KIAA1549L: variants seen among roughly 807,000 people sequenced by gnomAD.
The protein encoded by KIAA1549L is UPF0606 protein KIAA1549L.
In KIAA1549L, 88 loss-of-function variants were observed where a neutral mutation model predicts 160.7. The observed-to-expected ratio is 0.55, with a 90% CI of 0.46 to 0.65. The LOEUF is 0.65. Among genes scored for constraint, KIAA1549L ranks in the 30% least tolerant of loss-of-function variants. The pLI, the probability that KIAA1549L is intolerant of heterozygous loss-of-function variation, is 0.00. For synonymous variants in KIAA1549L, 950 were observed against 976.7 expected (o/e 0.97, Z 0.51); for missense variants, 2,258 against 2,437.5 (o/e 0.93, Z 1.55).
intron 15 of KIAA1549L, among the ~76,000 whole-genome samples, chr11:33,612,110 G>T (rs949328614): frequency 6.6e-6 from 1 of 152,236 alleles, no homozygotes; most frequent in Admixed American, 6.5e-5. Context: ...ATAATGGAGA[G>T]CCATAAACTG....
At chr11:33,643,138 G>A (rs1851631541) in intron 16 of KIAA1549L, among the ~76,000 whole-genome samples, 1 of 152,174 alleles carries the variant, frequency 6.6e-6, no homozygotes, top group African/African-American at 2.4e-5. Flanking sequence ...AACTCCCCAT[G>A]CAGAATGGAA....
chr11:33,656,652 G>T (rs11602007), intron 18 of KIAA1549L, among the ~76,000 whole-genome samples: 57,894 of 152,042 alleles, frequency 0.38, 11,318 homozygotes, highest in East Asian at 0.5. Context: ...AAGAACAAAA[G>T]CCCTGAGCAC....
At position 33,545,433 on chromosome 11, in the gene KIAA1549L, C is replaced by A. The variant is rs1335614131; in HGVS notation, c.3385+55C>A. 1.3e-5 allele frequency: 20 copies of A among 1,524,816 alleles called. No individual in the cohort carries two copies. In the East Asian group the frequency reaches 4.2e-4, roughly 32 times the overall value. 94.5% of individuals were successfully genotyped at this position (1,524,816 alleles called of 1,614,324 possible). On this transcript the variant is annotated intron_variant, in intron 3 of 20. Coordinates refer to ENST00000658780, the MANE Select transcript of KIAA1549L (RefSeq NM_012194.3). ...AGCAAGCCTGGCCTCAGAGATGTAA[C>A]CATAATGTTTATTTTAGATCAGTGG...
intron 1 of KIAA1549L, among the ~76,000 whole-genome samples, chr11:33,450,257 A>G (rs1851692879): frequency 6.6e-6 from 1 of 152,020 alleles, no homozygotes; most frequent in Non-Finnish European, 1.5e-5. Flanking sequence ...GCAATCAAAG[A>G]CGTATCCGTA....
At chr11:33,641,562 T>G (rs1851579439) in intron 16 of KIAA1549L, among the ~76,000 whole-genome samples, 1 of 120,152 alleles carries the variant, frequency 8.3e-6, no homozygotes, top group Admixed American at 8.8e-5. Flanking sequence ...TATAGTATGG[T>G]AATGGATCTG....
At chr11:33,423,836 T>G (rs756763722) in intron 1 of KIAA1549L, among the ~76,000 whole-genome samples, 10 of 152,180 alleles carry the variant, frequency 6.6e-5, no homozygotes, top group African/African-American at 9.7e-5. Flanking sequence ...GAGACCAGCC[T>G]GGGCAACATA....
At chr11:33,580,299 C>G (rs35656246) in intron 10 of KIAA1549L, among the ~76,000 whole-genome samples, 1 of 152,148 alleles carries the variant, frequency 6.6e-6, no homozygotes, top group Non-Finnish European at 1.5e-5. Flanking sequence ...CTTGGCTGGG[C>G]GCAGTGGCTC....
At chr11:33,622,093 C>G (rs1850973652) in intron 16 of KIAA1549L, among the ~76,000 whole-genome samples, 1 of 152,128 alleles carries the variant, frequency 6.6e-6, no homozygotes. Flanking sequence ...ATGGTTGATT[C>G]ATTGGTGCAT....
chr11:33,414,618 G>A (rs1245424162), intron 1 of KIAA1549L, among the ~76,000 whole-genome samples: 2 of 152,158 alleles, frequency 1.3e-5, no homozygotes, highest in Non-Finnish European at 2.9e-5. Context: ...ATGTAGCAGG[G>A]AACATATTCC....
intron 1 of KIAA1549L, among the ~76,000 whole-genome samples, chr11:33,434,730 G>A (rs1851321227): frequency 6.6e-6 from 1 of 152,172 alleles, no homozygotes; most frequent in African/African-American, 2.4e-5. Flanking sequence ...ACTTGGCATT[G>A]TGCCTCTTTC....
At chr11:33,642,505 C>G (rs1457787018) in intron 16 of KIAA1549L, among the ~76,000 whole-genome samples, 1 of 151,636 alleles carries the variant, frequency 6.6e-6, no homozygotes, top group Non-Finnish European at 1.5e-5. Context: ...GCCTCTGCTG[C>G]TGTATCGTTC....
At chr11:33,598,578 A>G (rs1104742) in intron 12 of KIAA1549L, among the ~76,000 whole-genome samples, 109,463 of 152,012 alleles carry the variant, frequency 0.72, 40,480 homozygotes, top group African/African-American at 0.9. Flanking sequence ...TGGGCACCCA[A>G]GGCTGCGCTC....
At chr11:33,640,329 T>C (rs1432338097) in intron 16 of KIAA1549L, among the ~76,000 whole-genome samples, 3 of 152,196 alleles carry the variant, frequency 2.0e-5, no homozygotes, top group Non-Finnish European at 4.4e-5. Context: ...TCATACTCAG[T>C]AAAACTTTCT....
At chr11:33,434,002 G>A (rs557419374) in intron 1 of KIAA1549L, among the ~76,000 whole-genome samples, 2 of 151,994 alleles carry the variant, frequency 1.3e-5, no homozygotes, top group South Asian at 2.1e-4. Flanking sequence ...AACCACCATG[G>A]CACATGTATA....
At position 33,609,803 on chromosome 11, in the gene KIAA1549L, C is replaced by T. The variant is rs778487707; in HGVS notation, c.5116C>T (p.Arg1706Cys). 24 of 1,613,240 alleles carry T rather than the reference C, an allele frequency of 1.5e-5. No homozygotes were observed. Among genetic ancestry groups the T allele is most frequent in the East Asian group, 4.5e-5 (2 of 44,870 alleles). ...CATCGAGCACTATCGGAACAAGCTG[C>T]GCCTCAAAGCCAAGAGGAAGGGATA... ...SDIEHYRNKLRLKAKRKGYYD... is the reference protein window; with the variant it reads ...SDIEHYRNKLCLKAKRKGYYD... The change falls in exon 15 of 21, where the codon CGC (arginine) becomes TGC (cysteine). Residue 1706 changes from arginine to cysteine, a missense_variant. Around this residue, in one of 6 missense-constraint regions of KIAA1549L, gnomAD observed 1,359 missense variants for 1,546.6 expected, o/e 0.88. Transcript: ENST00000658780.
chr11:33,472,084 G>A (rs1173402424), intron 1 of KIAA1549L, among the ~76,000 whole-genome samples: 1 of 151,864 alleles, frequency 6.6e-6, no homozygotes, highest in African/African-American at 2.4e-5. Flanking sequence ...ATTCCTGTTG[G>A]TGCCTCTTTC....
chr11:33,427,728 T>G (rs558147686), intron 1 of KIAA1549L, among the ~76,000 whole-genome samples: 2 of 152,352 alleles, frequency 1.3e-5, no homozygotes, highest in African/African-American at 4.8e-5. Context: ...TATCCACTTC[T>G]GAAACCTTTT....
chr11:33,454,803 T>C (rs1274467638), intron 1 of KIAA1549L, among the ~76,000 whole-genome samples: 1 of 152,086 alleles, frequency 6.6e-6, no homozygotes, highest in African/African-American at 2.4e-5. Flanking sequence ...AAAAAACCAT[T>C]TGGTGGCTGG....
chr11:33,474,685 G>C (rs1207843115), intron 1 of KIAA1549L, among the ~76,000 whole-genome samples: 1 of 152,210 alleles, frequency 6.6e-6, no homozygotes, highest in East Asian at 1.9e-4. Context: ...AGCCACTTTG[G>C]GAAGTGGGTT....
Sources: gnomAD v4.1 joint callset for allele counts (sites outside exome capture counted in the v4.1 genomes callset) on GRCh38, gnomAD v4.1.1 for gene constraint, gnomAD v4.1.1 regional missense constraint, MANE v1.5 for transcripts, NCBI Gene and HGNC (gene_info 2026-07-23, HGNC 2026-07-21) for gene names.